Variants in CDH10 observed in about 807,000 individuals in gnomAD.
The protein encoded by CDH10 is cadherin-10.
Under a neutral mutation model 73.1 loss-of-function variants are expected in CDH10, and 30 were observed. That is an observed-to-expected ratio of 0.41 (90% CI 0.31 to 0.56). CDH10 has a LOEUF of 0.56. Ranked by LOEUF, CDH10 falls within the 20% of genes least tolerant of loss-of-function variation. The pLI is 0.27. For missense variants in CDH10, 815 were observed against 973.7 expected, an observed-to-expected ratio of 0.84 and a Z score of 2.17; for synonymous variants, 345 against 348.2, an observed-to-expected ratio of 0.99 and a Z score of 0.10.
rs930703966 is a variant in CDH10, at chr5:24,591,420, G to A, written c.231+1840C>T. On this transcript the variant is annotated intron_variant, in intron 2 of 11. Coordinates refer to ENST00000264463, the MANE Select transcript of CDH10 (RefSeq NM_006727.5). Reference sequence around the variant, plus strand: ...TCTAGTAGTTCAGCACAGTCTACATGGAAAAGAACTGATGAACACATTCAT... The same window carrying A: ...TCTAGTAGTTCAGCACAGTCTACATAGAAAAGAACTGATGAACACATTCAT... Among the ~76,000 whole-genome samples the A allele has an allele frequency of 4.0e-5, 6 of 151,810 alleles. No individual in the cohort carries two copies. The East Asian group carries it at 1.2e-3, about 29-fold the overall frequency.
At chr5:24,634,246 T>A (rs541350637) in intron 1 of CDH10, among the ~76,000 whole-genome samples, 1 of 151,892 alleles carries the variant, frequency 6.6e-6, no homozygotes, top group African/African-American at 2.4e-5. Context: ...TTGCACAATG[T>A]TATTCTCACT....
chr5:24,605,231 A>G, intron 1 of CDH10, among the ~76,000 whole-genome samples: 1 of 152,228 alleles, frequency 6.6e-6, no homozygotes, highest in East Asian at 1.9e-4. Flanking sequence ...TGGAAAGGAT[A>G]TAGAGCAGGG....
At chr5:24,637,585 G>A (rs974882017) in intron 1 of CDH10, among the ~76,000 whole-genome samples, 6 of 151,782 alleles carry the variant, frequency 4.0e-5, no homozygotes, top group Non-Finnish European at 7.4e-5. Flanking sequence ...AAGGGAATGC[G>A]TCACAGTAAC....
At chr5:24,561,985 G>A (rs1267134114) in intron 2 of CDH10, among the ~76,000 whole-genome samples, 4 of 142,614 alleles carry the variant, frequency 2.8e-5, no homozygotes, top group Non-Finnish European at 4.6e-5. Flanking sequence ...AATTTGATTG[G>A]AGTCTTTCTT....
Position 24,491,738 on chromosome 5 carries a change from C to T in CDH10, c.1714G>A (p.Asp572Asn), listed in dbSNP as rs778537078. ...YLLPVVISDNDYPIQSSTGTL... is the reference protein window; with the variant it reads ...YLLPVVISDNNYPIQSSTGTL... ...CCTGTGCTGCTCTGAATTGGGTAAT[C>T]ATTGTCTGATATCACCACAGGCAAG... is the stretch of plus-strand genomic sequence containing the variant. Residue 572 changes from aspartate to asparagine, a missense_variant, in exon 11 of 12, where the codon GAT becomes AAT. Physicochemically the swap from Asp to Asn is conservative, Grantham distance 23. Around this residue, in one of 3 missense-constraint regions of CDH10, gnomAD observed 516 missense variants for 636.6 expected, o/e 0.81. Coordinates refer to ENST00000264463, the MANE Select transcript of CDH10 (RefSeq NM_006727.5). 1 of 1,613,336 alleles carries T rather than the reference C, an allele frequency of 6.2e-7. No homozygotes were observed. The highest frequency in any genetic ancestry group is 1.1e-5 in the South Asian group (1 of 91,062).
intron 1 of CDH10, among the ~76,000 whole-genome samples, chr5:24,597,720 T>C (rs1289486421): frequency 6.6e-6 from 1 of 152,032 alleles, no homozygotes; most frequent in African/African-American, 2.4e-5. Context: ...ACAAATATTA[T>C]TTTCTCTATA....
intron 1 of CDH10, among the ~76,000 whole-genome samples, chr5:24,629,242 G>T (rs1747620297): frequency 6.6e-6 from 1 of 151,966 alleles, no homozygotes; most frequent in Admixed American, 6.6e-5. Flanking sequence ...TTTTAAAACT[G>T]ATTTTAGATT....
At chr5:24,644,040 A>C (rs1387846339) in intron 1 of CDH10, among the ~76,000 whole-genome samples, 1 of 152,178 alleles carries the variant, frequency 6.6e-6, no homozygotes, top group Non-Finnish European at 1.5e-5. Flanking sequence ...ATGAATGTCA[A>C]TCTATTGTAT....
intron 5 of CDH10, among the ~76,000 whole-genome samples, chr5:24,518,884 CTTTTT>C (rs36019861): frequency 5.2e-5 from 4 of 77,430 alleles, no homozygotes; most frequent in African/African-American, 1.5e-4. Context: ...GACATGTGCA[CTTTTT>C]TTTTTTTTTT....
intron 3 of CDH10, among the ~76,000 whole-genome samples, 182 bp downstream of exon 3, chr5:24,537,198 G>A (rs1743986989): frequency 6.6e-6 from 1 of 151,656 alleles, no homozygotes. Context: ...CAAATCTGTA[G>A]GAAGTGTAAA....
chr5:24,636,433 C>T (rs982456536), intron 1 of CDH10, among the ~76,000 whole-genome samples: 7 of 151,916 alleles, frequency 4.6e-5, no homozygotes, highest in Non-Finnish European at 1.0e-4. Context: ...TATCACTGTG[C>T]AGTCTCCTAT....
intron 8 of CDH10, 42 bp from the exon 9 acceptor site, chr5:24,498,561 G>T (rs3815910): frequency 0.034 from 50,371 of 1,478,822 alleles, 2,883 homozygotes; most frequent in African/African-American, 0.26. Context: ...AAGATAAATT[G>T]GTGCATCAAA....
chr5:24,624,515 C>T (rs947153281), intron 1 of CDH10, among the ~76,000 whole-genome samples: 7 of 151,980 alleles, frequency 4.6e-5, no homozygotes, highest in Non-Finnish European at 8.8e-5. Context: ...AGAAAGTTTC[C>T]GTGTCAGAAT....
intron 9 of CDH10, among the ~76,000 whole-genome samples, chr5:24,496,609 A>G (rs1742297813): frequency 6.6e-6 from 1 of 152,198 alleles, no homozygotes; most frequent in Admixed American, 6.5e-5. Flanking sequence ...ATAATTGTCC[A>G]TGTCGGTGTT....
intron 5 of CDH10, among the ~76,000 whole-genome samples, chr5:24,516,005 T>C (rs1051050006): frequency 5.9e-5 from 9 of 152,210 alleles, no homozygotes; most frequent in African/African-American, 1.9e-4. Flanking sequence ...TGTGAGTCAA[T>C]TAAACCTCTT....
chr5:24,496,433 C>G (rs1173056417), intron 9 of CDH10, among the ~76,000 whole-genome samples: 2 of 152,126 alleles, frequency 1.3e-5, no homozygotes, highest in Non-Finnish European at 2.9e-5. Context: ...GGTGAAGGGT[C>G]AAGCAGCCTA....
At chr5:24,617,517 C>CAT (rs1209536080) in intron 1 of CDH10, among the ~76,000 whole-genome samples, 1 of 152,144 alleles carries the variant, frequency 6.6e-6, no homozygotes, top group Admixed American at 6.6e-5. Flanking sequence ...ATTGGCTCCT[C>CAT]ATAGCCTATG....
chr5:24,570,719 TA>T (rs1192302697), intron 2 of CDH10, among the ~76,000 whole-genome samples: 4 of 152,114 alleles, frequency 2.6e-5, no homozygotes, highest in African/African-American at 9.7e-5. Context: ...ATCAAATCTT[TA>T]AAACTGTCTG....
intron 2 of CDH10, among the ~76,000 whole-genome samples, chr5:24,543,201 G>T (rs1299096410): frequency 6.6e-6 from 1 of 152,014 alleles, no homozygotes; most frequent in Non-Finnish European, 1.5e-5. Flanking sequence ...CACTTATATT[G>T]CTTATATTAT....
Sources: gnomAD v4.1 joint callset for allele counts (sites outside exome capture counted in the v4.1 genomes callset) on GRCh38, gnomAD v4.1.1 for gene constraint, gnomAD v4.1.1 regional missense constraint, MANE v1.5 for transcripts, NCBI Gene and HGNC (gene_info 2026-07-23, HGNC 2026-07-21) for gene names.